Variants in CYRIB observed in about 807,000 individuals in gnomAD.
CYRIB encodes the protein CYFIP-related Rac1 interactor B.
Under a neutral mutation model 44.2 loss-of-function variants are expected in CYRIB, and 8 were observed. The ratio of observed to expected loss-of-function variants is 0.18; its 90% CI spans 0.11 to 0.33. The LOEUF (loss-of-function observed/expected upper bound fraction) is 0.33, where lower values mean the gene tolerates loss of function less well. CYRIB is among the 10% of genes least tolerant of loss of function. The probability of loss-of-function intolerance (pLI) is 1.00; values close to 1 mark genes in which losing one functional copy is unlikely to be tolerated. For missense variants in CYRIB, 185 were observed against 382.8 expected (o/e 0.48, Z 4.31); for synonymous variants, 131 against 127.2 (o/e 1.03, Z -0.20).
intron 11 of CYRIB, among the ~76,000 whole-genome samples, chr8:129,845,818 C>G (rs2039636330): frequency 6.6e-6 from 1 of 152,144 alleles, no homozygotes; most frequent in Non-Finnish European, 1.5e-5. Flanking sequence ...TCTCTGTAGT[C>G]AAATGTTATA....
At position 129,967,382 on chromosome 8, in the gene CYRIB, T is replaced by C. The variant is rs574295784; in HGVS notation, c.-243+3561A>G. On this transcript the variant is annotated intron_variant, in intron 2 of 14. Coordinates refer to the CYRIB transcript ENST00000401979. ...TTTTGTTTTGTTTTGTTTTTTTGTT[T>C]TTTTGTTTTTTTTTTGAGATGGAGT... 2.1e-3 allele frequency among the ~76,000 whole-genome samples: 325 copies of C among 151,540 alleles called. 2 individuals are homozygous for C. Among genetic ancestry groups the C allele is most frequent in the Middle Eastern group, 0.014 (4 of 294 alleles).
chr8:129,871,255 C>A, intron 4 of CYRIB, 120 bp downstream of exon 6: 1 of 1,150,038 alleles, frequency 8.7e-7, no homozygotes, highest in Non-Finnish European at 1.2e-6. Flanking sequence ...GCCAAGTGAG[C>A]ATCCTTCAAA....
At chr8:129,841,226 A>G (rs996399362) in exon 12 of CYRIB, 5 of 152,234 alleles carry the variant, frequency 3.3e-5, no homozygotes, top group African/African-American at 1.2e-4. Flanking sequence ...TACTACATCC[A>G]TACAAGAGTA....
chr8:129,881,129 G>A (rs2060667998), intron 2 of CYRIB, among the ~76,000 whole-genome samples: 1 of 152,194 alleles, frequency 6.6e-6, no homozygotes, highest in East Asian at 1.9e-4. Flanking sequence ...TAGTAGGTTT[G>A]CGGAGGACAA....
intron 1 of CYRIB, among the ~76,000 whole-genome samples, chr8:129,998,863 C>T (rs1157910393): frequency 6.6e-6 from 1 of 152,140 alleles, no homozygotes; most frequent in Non-Finnish European, 1.5e-5. Flanking sequence ...AACTCCTGAC[C>T]TCAAGTGAAA....
In CYRIB at chr8:129,842,953, T is replaced by C. The variant is rs190257686; in HGVS notation, c.912-748A>G. On this transcript the variant is annotated intron_variant, in intron 11 of 11. Transcript: ENST00000519824. ...CTCCCAAGTGCCTTATTTCTAGGCA[T>C]GTGTTTTGCTACATGCATGCAAATC... Among the ~76,000 whole-genome samples, 71 of 152,362 alleles carry C rather than the reference T, an allele frequency of 4.7e-4. No homozygotes were observed. In the South Asian group the frequency reaches 0.01, roughly 22 times the overall value.
rs549248534 is a variant in CYRIB, at chr8:129,982,741, CA to C, written c.-295-11747del. Among the ~76,000 whole-genome samples the C allele has an allele frequency of 2.4e-3, 369 of 152,124 alleles. 2 individuals carry two copies. Among genetic ancestry groups the C allele is most frequent in the African/African-American group, 8.1e-3 (335 of 41,534 alleles). ...ATGCGAGAAAAATCTGATTCTGAAC[CA>C]AAAAAGCAAACGCATGAGCATCATT... On this transcript the variant is annotated intron_variant, in intron 1 of 14. Coordinates refer to the CYRIB transcript ENST00000401979.
At position 129,866,260 on chromosome 8, in the gene CYRIB, C is replaced by T. The variant is rs149952556; in HGVS notation, c.196-3926G>A. Among the ~76,000 whole-genome samples the T allele has an allele frequency of 5.9e-3, 893 of 152,286 alleles. 7 individuals are homozygous for T. Among genetic ancestry groups the T allele is most frequent in the African/African-American group, 0.02 (845 of 41,556 alleles). On this transcript the variant is annotated intron_variant, in intron 4 of 11. Coordinates refer to ENST00000519824, the Ensembl canonical transcript of CYRIB. Reference sequence around the variant, plus strand: ...TTGCATTTGTTTTTATCACGTTTTTCCATAGACGAGGCTACTGTCTACCAG... The same window carrying T: ...TTGCATTTGTTTTTATCACGTTTTTTCATAGACGAGGCTACTGTCTACCAG...
intron 5 of CYRIB, 84 bp downstream of exon 7, chr8:129,862,145 T>G (rs2050076573): frequency 5.1e-6 from 5 of 981,186 alleles, no homozygotes; most frequent in Middle Eastern, 2.3e-4. Context: ...TTCAGCATTA[T>G]GAACATAAAA....
At chr8:129,857,125 G>C (rs1370993472) in intron 5 of CYRIB, among the ~76,000 whole-genome samples, 1 of 152,108 alleles carries the variant, frequency 6.6e-6, no homozygotes, top group African/African-American at 2.4e-5. Context: ...CAGTAAGTCT[G>C]AAAATGTACT....
At chr8:129,944,851 T>C (rs184251453) in intron 2 of CYRIB, among the ~76,000 whole-genome samples, 177 of 152,230 alleles carry the variant, frequency 1.2e-3, no homozygotes, top group African/African-American at 4.0e-3. Context: ...TTCAGATATG[T>C]GCAACTCTTT....
chr8:129,960,511 G>A (rs2095179767), intron 2 of CYRIB, among the ~76,000 whole-genome samples: 1 of 151,230 alleles, frequency 6.6e-6, no homozygotes, highest in Non-Finnish European at 1.5e-5. Context: ...AGGAGAATAG[G>A]ATAATCGCTT....
intron 1 of CYRIB, among the ~76,000 whole-genome samples, chr8:129,922,179 C>T (rs1347569623): frequency 6.6e-6 from 1 of 152,186 alleles, no homozygotes; most frequent in Admixed American, 6.5e-5. Context: ...GGTTCCCACT[C>T]TCTCCATCAA....
chr8:129,847,105 A>C, intron 10 of CYRIB: 2 of 375,984 alleles, frequency 5.3e-6, no homozygotes, highest in Non-Finnish European at 9.4e-6. Flanking sequence ...TATACCACAC[A>C]TGCAATGAAA....
intron 7 of CYRIB, among the ~76,000 whole-genome samples, chr8:129,853,135 G>GA (rs1415497049): frequency 1.3e-5 from 2 of 152,130 alleles, no homozygotes; most frequent in Non-Finnish European, 2.9e-5. Context: ...TATTTCACTT[G>GA]AAAAAAATTG....
At chr8:129,985,390 TACTC>T (rs1295203821) in intron 1 of CYRIB, among the ~76,000 whole-genome samples, 3 of 152,076 alleles carry the variant, frequency 2.0e-5, no homozygotes, top group Non-Finnish European at 4.4e-5. Flanking sequence ...CCTCTTGCCT[TACTC>T]ACCCCCTTGA....
intron 3 of CYRIB, among the ~76,000 whole-genome samples, chr8:129,873,287 T>TTA (rs1433833164): frequency 3.9e-5 from 6 of 152,000 alleles, no homozygotes; most frequent in Non-Finnish European, 7.4e-5. Context: ...TACAAAGGTA[T>TTA]TATCACTAGG....
chr8:129,913,289 T>C (rs1009992393), intron 1 of CYRIB, among the ~76,000 whole-genome samples: 9 of 152,180 alleles, frequency 5.9e-5, no homozygotes, highest in Non-Finnish European at 1.2e-4. Context: ...TTCAAAATCA[T>C]GCCTACATAA....
chr8:129,919,466 CTA>C (rs2082408542), intron 1 of CYRIB, among the ~76,000 whole-genome samples: 1 of 152,110 alleles, frequency 6.6e-6, no homozygotes, highest in South Asian at 2.1e-4. Flanking sequence ...AGCTCATAGT[CTA>C]TGAGATGACA....
Sources: gnomAD v4.1 joint callset for allele counts (sites outside exome capture counted in the v4.1 genomes callset) on GRCh38, gnomAD v4.1.1 for gene constraint, MANE v1.5 for transcripts, NCBI Gene and HGNC (gene_info 2026-07-23, HGNC 2026-07-21) for gene names.